Variants in PLXDC2 observed in about 807,000 individuals in gnomAD.
PLXDC2 encodes the protein plexin domain-containing protein 2.
Under a neutral mutation model 68.9 loss-of-function variants are expected in PLXDC2, and 40 were observed. That is an observed-to-expected ratio of 0.58 (90% confidence interval 0.45 to 0.76). The LOEUF is 0.76. Ranked by LOEUF, PLXDC2 falls within the 30% of genes least tolerant of loss-of-function variation. The pLI is 0.00. For synonymous variants in PLXDC2, 243 were observed against 234.2 expected, an observed-to-expected ratio of 1.04 and a Z score of -0.34; for missense variants, 644 against 661.9, an observed-to-expected ratio of 0.97 and a Z score of 0.30.
intron 1 of PLXDC2, among the ~76,000 whole-genome samples, chr10:19,939,340 C>G (rs1211082102): frequency 4.6e-5 from 7 of 152,194 alleles, no homozygotes; most frequent in Middle Eastern, 3.4e-3. Context: ...AGATTACACC[C>G]CCTCTGGAAA....
intron 1 of PLXDC2, among the ~76,000 whole-genome samples, chr10:19,981,586 C>G (rs191508456): frequency 1.3e-5 from 2 of 152,180 alleles, no homozygotes; most frequent in East Asian, 3.9e-4. Flanking sequence ...TAAGCTTACT[C>G]AGAACATGGA....
At chr10:20,092,466 A>G (rs1019603849) in intron 4 of PLXDC2, among the ~76,000 whole-genome samples, 2 of 152,134 alleles carry the variant, frequency 1.3e-5, no homozygotes, top group African/African-American at 4.8e-5. Context: ...AATGGCCATG[A>G]CTAGAAAGGT....
At chr10:20,234,869 A>C (rs1161682300) in intron 12 of PLXDC2, among the ~76,000 whole-genome samples, 1 of 152,072 alleles carries the variant, frequency 6.6e-6, no homozygotes, top group East Asian at 1.9e-4. Flanking sequence ...GGCTAAATGA[A>C]TATCTCCAGC....
At chr10:20,070,363 GA>G (rs1258930633) in intron 4 of PLXDC2, among the ~76,000 whole-genome samples, 1 of 152,160 alleles carries the variant, frequency 6.6e-6, no homozygotes, top group Non-Finnish European at 1.5e-5. Flanking sequence ...TCAACCCAAG[GA>G]AAAGGAATCA....
At chr10:19,826,257 A>G (rs570432453) in intron 1 of PLXDC2, among the ~76,000 whole-genome samples, 1 of 152,310 alleles carries the variant, frequency 6.6e-6, no homozygotes, top group South Asian at 2.1e-4. Flanking sequence ...TTCAAGAATT[A>G]TTGCTTCTGA....
intron 1 of PLXDC2, among the ~76,000 whole-genome samples, chr10:19,941,827 G>A (rs1320320594): frequency 1.3e-5 from 2 of 152,014 alleles, no homozygotes; most frequent in African/African-American, 2.4e-5. Context: ...TTCTCATTAT[G>A]TACTGTGGAT....
At chr10:20,088,660 TA>T (rs1222720959) in intron 4 of PLXDC2, among the ~76,000 whole-genome samples, 1 of 152,174 alleles carries the variant, frequency 6.6e-6, no homozygotes, top group African/African-American at 2.4e-5. Flanking sequence ...ATCTATGAAA[TA>T]ATATGGCCTT....
intron 9 of PLXDC2, among the ~76,000 whole-genome samples, chr10:20,198,924 G>A (rs1229738753): frequency 6.6e-6 from 1 of 151,930 alleles, no homozygotes; most frequent in African/African-American, 2.4e-5. Flanking sequence ...GCGGTGACTG[G>A]CCATTTTGTT....
chr10:19,986,198 G>A (rs1248023653), intron 1 of PLXDC2, among the ~76,000 whole-genome samples: 1 of 152,092 alleles, frequency 6.6e-6, no homozygotes, highest in Non-Finnish European at 1.5e-5. Context: ...TGTTTTAAAT[G>A]TCAGTGATTG....
intron 2 of PLXDC2, among the ~76,000 whole-genome samples, chr10:20,004,634 A>C (rs927062982): frequency 6.6e-6 from 1 of 152,220 alleles, no homozygotes; most frequent in African/African-American, 2.4e-5. Context: ...AAAGACTTTT[A>C]AATTTCTTCG....
chr10:20,159,738 T>C (rs1834266194), intron 6 of PLXDC2, among the ~76,000 whole-genome samples: 1 of 152,156 alleles, frequency 6.6e-6, no homozygotes, highest in African/African-American at 2.4e-5. Context: ...CTACTTCTGC[T>C]CCAGCTGTAG....
chr10:20,188,467 T>G (rs1459985910), intron 9 of PLXDC2, among the ~76,000 whole-genome samples: 1 of 151,770 alleles, frequency 6.6e-6, no homozygotes, highest in Admixed American at 6.6e-5. Flanking sequence ...TCACTAAAGA[T>G]TCATATTCAG....
At chr10:19,999,952 CA>C (rs1332265653) in intron 1 of PLXDC2, among the ~76,000 whole-genome samples, 1 of 152,140 alleles carries the variant, frequency 6.6e-6, no homozygotes, top group African/African-American at 2.4e-5. Flanking sequence ...CCGGATCATA[CA>C]ACCAGCAAAC....
chr10:19,872,617 C>T (rs550307867), intron 1 of PLXDC2, among the ~76,000 whole-genome samples: 18 of 152,154 alleles, frequency 1.2e-4, no homozygotes, highest in African/African-American at 2.9e-4. Flanking sequence ...AAATGTGGTT[C>T]GGAGTTTGGG....
At chr10:19,878,611 A>G (rs1837675806) in intron 1 of PLXDC2, among the ~76,000 whole-genome samples, 1 of 152,154 alleles carries the variant, frequency 6.6e-6, no homozygotes, top group African/African-American at 2.4e-5. Flanking sequence ...TGGCATTTGG[A>G]TTATTTAATC....
At chr10:19,906,963 T>C (rs538316550) in intron 1 of PLXDC2, among the ~76,000 whole-genome samples, 1 of 152,308 alleles carries the variant, frequency 6.6e-6, no homozygotes, top group East Asian at 1.9e-4. Flanking sequence ...CTGTCACCTA[T>C]TAGAGGGTTC....
chr10:19,972,634 G>C (rs1158237792), intron 1 of PLXDC2, among the ~76,000 whole-genome samples: 1 of 152,068 alleles, frequency 6.6e-6, no homozygotes, highest in Non-Finnish European at 1.5e-5. Context: ...CATCTCCCAC[G>C]ATAAAAGTTG....
chr10:19,875,352 A>G (rs1564616125), intron 1 of PLXDC2, among the ~76,000 whole-genome samples: 3 of 152,340 alleles, frequency 2.0e-5, no homozygotes, highest in African/African-American at 7.2e-5. Context: ...AATGAGCATC[A>G]TGGATGTAAT....
At chr10:20,072,493 GAGAAAGAAAGAAAGAAAGAAAGAA>G (rs55848042) in intron 4 of PLXDC2, among the ~76,000 whole-genome samples, 4 of 80,776 alleles carry the variant, frequency 5.0e-5, no homozygotes, top group Non-Finnish European at 9.8e-5. Flanking sequence ...AAGAAAGAAA[GAGAAAGAAAGAAAGAAAGAAAGAA>G]AGAAAGAAAG....
Sources: gnomAD v4.1 joint callset for allele counts (sites outside exome capture counted in the v4.1 genomes callset) on GRCh38, gnomAD v4.1.1 for gene constraint, MANE v1.5 for transcripts, NCBI Gene and HGNC (gene_info 2026-07-23, HGNC 2026-07-21) for gene names.